The following CNTNAP5 variants were observed in gnomAD, a reference collection of about 807,000 sequenced individuals.
CNTNAP5 encodes contactin associated protein family member 5, also known as contactin-associated protein-like 5.
CNTNAP5 carries 72 observed loss-of-function variants against 150.2 expected under a neutral mutation model. The observed-to-expected ratio is 0.48, with a 90% CI of 0.40 to 0.58. The LOEUF is 0.58. Ranked by LOEUF, CNTNAP5 falls within the 20% of genes least tolerant of loss-of-function variation. The pLI is 0.00. For missense variants in CNTNAP5, 1,636 were observed against 1,626.2 expected (o/e 1.01, Z -0.10); for synonymous variants, 672 against 619.8 (o/e 1.08, Z -1.25).
intron 11 of CNTNAP5, among the ~76,000 whole-genome samples, chr2:124,598,124 G>A (rs1696874972): frequency 8.0e-6 from 1 of 125,240 alleles, no homozygotes; most frequent in Non-Finnish European, 1.7e-5. Context: ...TTGATCGTCT[G>A]AAGCCTTCTT....
intron 12 of CNTNAP5, among the ~76,000 whole-genome samples, chr2:124,622,929 A>G (rs1002381004): frequency 2.6e-5 from 4 of 152,222 alleles, no homozygotes; most frequent in Non-Finnish European, 5.9e-5. Context: ...CCAAGCTAGT[A>G]CAACATGCAT....
chr2:124,692,039 G>A (rs188633308), intron 13 of CNTNAP5, among the ~76,000 whole-genome samples: 3 of 152,170 alleles, frequency 2.0e-5, no homozygotes, highest in East Asian at 1.9e-4. Context: ...AAAGAAGCAC[G>A]AATTAGATTA....
intron 3 of CNTNAP5, among the ~76,000 whole-genome samples, chr2:124,318,658 A>G (rs1337397809): frequency 1.3e-5 from 2 of 152,196 alleles, no homozygotes; most frequent in Admixed American, 6.5e-5. Flanking sequence ...TAGAAAAAGA[A>G]TCTGTATAAA....
At chr2:124,534,939 A>G (rs189795460) in intron 10 of CNTNAP5, among the ~76,000 whole-genome samples, 257 of 152,254 alleles carry the variant, frequency 1.7e-3, no homozygotes, top group African/African-American at 6.1e-3. Flanking sequence ...GCCTTATTTT[A>G]CCTAGCCCCT....
intron 10 of CNTNAP5, among the ~76,000 whole-genome samples, chr2:124,559,872 A>G (rs2104927116): frequency 6.6e-6 from 1 of 152,274 alleles, no homozygotes; most frequent in African/African-American, 2.4e-5. Context: ...ATTGAACCAA[A>G]ATGAACCAAG....
At chr2:124,672,828 A>G (rs931215349) in intron 13 of CNTNAP5, among the ~76,000 whole-genome samples, 1 of 152,204 alleles carries the variant, frequency 6.6e-6, no homozygotes, top group African/African-American at 2.4e-5. Flanking sequence ...AGATTTAAAG[A>G]AATATAAATA....
chr2:124,422,367 A>G (rs564916741), intron 4 of CNTNAP5, among the ~76,000 whole-genome samples: 42 of 152,290 alleles, frequency 2.8e-4, no homozygotes, highest in African/African-American at 8.9e-4. Context: ...GATACCATTT[A>G]TTTAGCCTTT....
At chr2:124,033,374 T>A (rs933808408) in intron 1 of CNTNAP5, among the ~76,000 whole-genome samples, 1 of 152,116 alleles carries the variant, frequency 6.6e-6, no homozygotes, top group Non-Finnish European at 1.5e-5. Context: ...AACAGACTGA[T>A]GTTATGTAGG....
intron 3 of CNTNAP5, among the ~76,000 whole-genome samples, chr2:124,308,604 T>C (rs1223998758): frequency 3.3e-5 from 5 of 152,202 alleles, no homozygotes; most frequent in Non-Finnish European, 7.3e-5. Flanking sequence ...ATCAGTTTGT[T>C]TGAGTGATAA....
At chr2:124,129,558 G>A (rs1376952583) in intron 1 of CNTNAP5, among the ~76,000 whole-genome samples, 1 of 152,188 alleles carries the variant, frequency 6.6e-6, no homozygotes, top group South Asian at 2.1e-4. Context: ...CAAGGAAGAG[G>A]GGTGAGTGTA....
At chr2:124,274,713 G>A (rs189433837) in intron 3 of CNTNAP5, among the ~76,000 whole-genome samples, 5 of 126,366 alleles carry the variant, frequency 4.0e-5, no homozygotes, top group Non-Finnish European at 9.4e-5. Flanking sequence ...TCTTTTAGAG[G>A]TGGAATTTTT....
intron 7 of CNTNAP5, among the ~76,000 whole-genome samples, chr2:124,497,719 C>T (rs941041294): frequency 6.6e-6 from 1 of 152,168 alleles, no homozygotes; most frequent in African/African-American, 2.4e-5. Context: ...GACCAATGAA[C>T]ATACGAGAGT....
At chr2:124,818,704 CT>C (rs910586654) in intron 19 of CNTNAP5, among the ~76,000 whole-genome samples, 1 of 152,158 alleles carries the variant, frequency 6.6e-6, no homozygotes, top group African/African-American at 2.4e-5. Context: ...CCCAGGCCCC[CT>C]GCCCTCTCCT....
At chr2:124,587,163 T>C (rs923572158) in intron 11 of CNTNAP5, among the ~76,000 whole-genome samples, 1 of 152,186 alleles carries the variant, frequency 6.6e-6, no homozygotes, top group East Asian at 1.9e-4. Flanking sequence ...ACTATTGTTA[T>C]CAGATGGTAG....
chr2:124,306,703 T>C (rs376925326), intron 3 of CNTNAP5, among the ~76,000 whole-genome samples: 52 of 150,726 alleles, frequency 3.4e-4, no homozygotes, highest in South Asian at 1.7e-3. Context: ...CAAACTTGGT[T>C]TCTCTCTCTC....
chr2:124,162,451 AC>A (rs1684704472), intron 1 of CNTNAP5, among the ~76,000 whole-genome samples: 2 of 152,188 alleles, frequency 1.3e-5, no homozygotes, highest in Admixed American at 1.3e-4. Flanking sequence ...GCAGAGCTGG[AC>A]TTTACACCCA....
At chr2:124,347,915 C>T (rs1186636881) in intron 3 of CNTNAP5, among the ~76,000 whole-genome samples, 1 of 151,766 alleles carries the variant, frequency 6.6e-6, no homozygotes, top group African/African-American at 2.4e-5. Flanking sequence ...AGCTCCGCCT[C>T]CCAGGTTCAC....
intron 1 of CNTNAP5, among the ~76,000 whole-genome samples, chr2:124,034,965 T>C (rs1413144720): frequency 6.6e-6 from 1 of 151,942 alleles, no homozygotes. Flanking sequence ...CATGATGAGT[T>C]ATTAAGACAT....
chr2:124,850,213 T>C (rs185148270), intron 19 of CNTNAP5, among the ~76,000 whole-genome samples: 77 of 152,306 alleles, frequency 5.1e-4, no homozygotes, highest in Admixed American at 4.8e-3. Flanking sequence ...TTCCCCCAAA[T>C]TCATGCCCAC....
Sources: allele counts gnomAD v4.1 joint callset (sites outside exome capture counted in the v4.1 genomes callset), GRCh38; gene constraint gnomAD v4.1.1; transcripts MANE v1.5; gene names NCBI Gene and HGNC (gene_info 2026-07-23, HGNC 2026-07-21).